Variants in FUT9 observed in about 807,000 individuals in gnomAD.
FUT9 encodes 4-galactosyl-N-acetylglucosaminide 3-alpha-L-fucosyltransferase 9.
Under a neutral mutation model 29.7 loss-of-function variants are expected in FUT9, and 15 were observed. The ratio of observed to expected loss-of-function variants is 0.51; its 90% CI spans 0.34 to 0.78. The LOEUF (loss-of-function observed/expected upper bound fraction) is 0.78, where lower values mean the gene tolerates loss of function less well. FUT9 is among the 30% of genes least tolerant of loss of function. The pLI is 0.01. For missense variants in FUT9, 319 were observed against 425.4 expected (o/e 0.75, Z 2.20); for synonymous variants, 169 against 153.7 (o/e 1.10, Z -0.74).
chr6:96,187,163 C>A (rs1033792495), intron 2 of FUT9, among the ~76,000 whole-genome samples: 6 of 152,074 alleles, frequency 3.9e-5, no homozygotes, highest in African/African-American at 1.4e-4. Flanking sequence ...CCCATGGATT[C>A]TCTATCCTGC....
chr6:96,105,635 A>T (rs1771665010), intron 1 of FUT9, among the ~76,000 whole-genome samples: 1 of 152,220 alleles, frequency 6.6e-6, no homozygotes, highest in South Asian at 2.1e-4. Flanking sequence ...TAAAATTTAT[A>T]GTGATAGAAT....
At chr6:96,041,910 G>C (rs2127933099) in intron 1 of FUT9, among the ~76,000 whole-genome samples, 1 of 152,242 alleles carries the variant, frequency 6.6e-6, no homozygotes, top group East Asian at 1.9e-4. Context: ...ATTATTATTT[G>C]TAGTAAGTTA....
chr6:96,101,690 G>A (rs1242472351), intron 1 of FUT9, among the ~76,000 whole-genome samples: 1 of 151,876 alleles, frequency 6.6e-6, no homozygotes, highest in Admixed American at 6.6e-5. Flanking sequence ...ATTTCATTAT[G>A]TTGCCCAGGC....
intron 2 of FUT9, among the ~76,000 whole-genome samples, chr6:96,168,578 A>T (rs1230155794): frequency 6.6e-6 from 1 of 152,218 alleles, no homozygotes; most frequent in Non-Finnish European, 1.5e-5. Context: ...TAAACTTGGG[A>T]AATAGAAGAG....
At chr6:96,053,549 A>G (rs937151996) in intron 1 of FUT9, among the ~76,000 whole-genome samples, 6 of 152,108 alleles carry the variant, frequency 3.9e-5, no homozygotes, top group African/African-American at 1.4e-4. Flanking sequence ...TCTACTAAAA[A>G]TACAAAAAAG....
intron 1 of FUT9, among the ~76,000 whole-genome samples, chr6:96,093,196 G>T (rs1020933484): frequency 7.2e-5 from 11 of 152,202 alleles, no homozygotes; most frequent in African/African-American, 1.9e-4. Flanking sequence ...CATCTATTTT[G>T]CTAAGCATCA....
intron 1 of FUT9, among the ~76,000 whole-genome samples, chr6:96,094,588 G>A (rs1041097646): frequency 3.3e-5 from 5 of 152,202 alleles, no homozygotes; most frequent in Middle Eastern, 6.8e-3. Context: ...ACTATCAGTG[G>A]TTTCAGGAAT....
intron 2 of FUT9, among the ~76,000 whole-genome samples, chr6:96,115,879 G>A (rs1771901923): frequency 6.6e-6 from 1 of 152,032 alleles, no homozygotes; most frequent in South Asian, 2.1e-4. Flanking sequence ...GGGGCTTTTT[G>A]TTTGCTTCCA....
intron 1 of FUT9, among the ~76,000 whole-genome samples, chr6:96,053,799 C>A (rs1430690609): frequency 6.6e-6 from 1 of 151,988 alleles, no homozygotes; most frequent in Non-Finnish European, 1.5e-5. Context: ...TGTTTTTTAG[C>A]AATTTTGCAA....
chr6:96,107,504 C>T (rs1771714040), intron 1 of FUT9, among the ~76,000 whole-genome samples: 2 of 152,108 alleles, frequency 1.3e-5, no homozygotes, highest in African/African-American at 4.8e-5. Flanking sequence ...AGAAGAAGCT[C>T]AAGAATTTGT....
chr6:96,161,761 G>T (rs1280688827), intron 2 of FUT9, among the ~76,000 whole-genome samples: 1 of 152,090 alleles, frequency 6.6e-6, no homozygotes, highest in Non-Finnish European at 1.5e-5. Context: ...TATAACTTCT[G>T]CATTATTAAT....
At chr6:96,054,946 CCTTTT>C (rs1489383130) in intron 1 of FUT9, among the ~76,000 whole-genome samples, 1 of 152,036 alleles carries the variant, frequency 6.6e-6, no homozygotes, top group Non-Finnish European at 1.5e-5. Context: ...TTTGTGATTT[CCTTTT>C]CTTCATTAGA....
intron 1 of FUT9, among the ~76,000 whole-genome samples, chr6:96,099,526 T>C (rs1329933013): frequency 6.6e-6 from 1 of 152,130 alleles, no homozygotes; most frequent in African/African-American, 2.4e-5. Flanking sequence ...TTTCCATTCA[T>C]AGACCTCATA....
intron 2 of FUT9, among the ~76,000 whole-genome samples, chr6:96,119,969 TA>T (rs1353480519): frequency 6.6e-6 from 1 of 152,136 alleles, no homozygotes; most frequent in Non-Finnish European, 1.5e-5. Context: ...TACCTTCAAA[TA>T]ATAGTATAGT....
chr6:96,057,871 A>G (rs1432607398), intron 1 of FUT9, among the ~76,000 whole-genome samples: 1 of 152,052 alleles, frequency 6.6e-6, no homozygotes, highest in Admixed American at 6.6e-5. Context: ...ATACTAGACA[A>G]TTTTCTCAAG....
At position 96,206,651 on chromosome 6, in the gene FUT9, T is replaced by C. The variant is rs1275696255; in HGVS notation, c.*2416T>C. The C allele has an allele frequency of 6.2e-6, 1 of 160,336 alleles. No individual in the cohort carries two copies. The highest frequency in any genetic ancestry group is 6.6e-5 in the Admixed American group (1 of 15,234). The allele number at this position is 160,336 out of a possible 1,614,324, so 9.9% of individuals were successfully genotyped here. A position where few individuals can be genotyped will look rare whatever the true frequency, so the allele number is the denominator to read the frequency against. On this transcript the variant is annotated 3_prime_UTR_variant, in exon 3 of 3. Transcript: ENST00000302103. The stretch of plus-strand genomic sequence containing the variant: ...CTAGTTTTTGTATTTTTAGTAGAGA[T>C]GGGTTTCACTGTGTTGGCCAGGCTG...
intron 2 of FUT9, among the ~76,000 whole-genome samples, chr6:96,180,464 T>C (rs907106733): frequency 2.0e-5 from 3 of 152,146 alleles, no homozygotes; most frequent in African/African-American, 4.8e-5. Context: ...GTGGATGGTC[T>C]TCCTGTTTAC....
At chr6:96,187,575 T>C (rs4133134) in intron 2 of FUT9, among the ~76,000 whole-genome samples, 138,743 of 152,122 alleles carry the variant, frequency 0.91, 64,638 homozygotes, top group Non-Finnish European at 1. Flanking sequence ...AAAGAAATTT[T>C]CAGTGGTAAG....
At chr6:96,102,221 T>C (rs1237740450) in intron 1 of FUT9, among the ~76,000 whole-genome samples, 2 of 152,108 alleles carry the variant, frequency 1.3e-5, no homozygotes, top group Admixed American at 1.3e-4. Flanking sequence ...TGTTCATATG[T>C]AGATGTAGGT....
Sources: allele counts gnomAD v4.1 joint callset (sites outside exome capture counted in the v4.1 genomes callset), GRCh38; gene constraint gnomAD v4.1.1; transcripts MANE v1.5; gene names NCBI Gene and HGNC (gene_info 2026-07-23, HGNC 2026-07-21).